Variants in WDR7 observed in about 807,000 individuals in gnomAD.
WDR7 encodes the protein WD repeat-containing protein 7.
Under a neutral mutation model 169.4 loss-of-function variants are expected in WDR7, and 46 were observed. The ratio of observed to expected loss-of-function variants is 0.27; its 90% CI spans 0.21 to 0.35. The LOEUF (loss-of-function observed/expected upper bound fraction) is 0.35, where lower values mean the gene tolerates loss of function less well. WDR7 is among the 10% of genes least tolerant of loss of function. WDR7 has a pLI of 1.00. For synonymous variants in WDR7, 612 were observed against 666.8 expected (o/e 0.92, Z 1.27); for missense variants, 1,534 against 1,859.3 (o/e 0.83, Z 3.22).
intron 20 of WDR7, among the ~76,000 whole-genome samples, chr18:56,866,463 G>A (rs780186974): frequency 8.6e-5 from 13 of 151,452 alleles, no homozygotes; most frequent in African/African-American, 1.2e-4. Context: ...CAGTTTTTTT[G>A]TTGATGTTTT....
chr18:56,916,830 G>A (rs555186012), intron 21 of WDR7, among the ~76,000 whole-genome samples: 8 of 152,202 alleles, frequency 5.3e-5, no homozygotes, highest in African/African-American at 1.9e-4. Flanking sequence ...TGGGAGGCCC[G>A]AGGCAGGTAG....
intron 14 of WDR7, among the ~76,000 whole-genome samples, chr18:56,731,853 G>C (rs1316025042): frequency 1.3e-5 from 2 of 152,102 alleles, no homozygotes; most frequent in African/African-American, 4.8e-5. Flanking sequence ...TCTGAAATTA[G>C]GGCAAACCAA....
rs1044771844 is a variant in WDR7, at chr18:56,820,359, A to AAAAAAAAAAAAC, written c.3304+4220_3304+4221insAAAAAACAAAAA. Among the ~76,000 whole-genome samples, 74 of 127,500 alleles carry AAAAAAAAAAAAC rather than the reference A, an allele frequency of 5.8e-4. 4 individuals are homozygous for AAAAAAAAAAAAC. Among genetic ancestry groups the AAAAAAAAAAAAC allele is most frequent in the African/African-American group, 2.3e-3 (66 of 28,410 alleles). 83.6% of individuals were successfully genotyped at this position (127,500 alleles called of 152,430 possible). A position where few individuals can be genotyped will look rare whatever the true frequency, so the allele number is the denominator to read the frequency against. On this transcript the variant is annotated intron_variant, in intron 20 of 27. Coordinates refer to ENST00000254442, the MANE Select transcript of WDR7 (RefSeq NM_015285.3). The stretch of plus-strand genomic sequence containing the variant: ...ATTGTCAAAAAAAAAAAAAAAAAAA[A>AAAAAAAAAAAAC]AAAAACCACCTTGATACTAGATCAG...
intron 16 of WDR7, among the ~76,000 whole-genome samples, chr18:56,763,262 A>C (rs1372663277): frequency 6.6e-6 from 1 of 152,108 alleles, no homozygotes; most frequent in Non-Finnish European, 1.5e-5. Flanking sequence ...GATGTTCTTT[A>C]TCAGGTTGAA....
intron 12 of WDR7, among the ~76,000 whole-genome samples, chr18:56,704,525 T>G (rs1330000330): frequency 6.6e-6 from 1 of 152,026 alleles, no homozygotes. Flanking sequence ...GGTGACAGAG[T>G]GAGACCCTGT....
intron 1 of WDR7, among the ~76,000 whole-genome samples, chr18:56,658,045 G>A (rs1017568696): frequency 4.6e-5 from 7 of 152,066 alleles, no homozygotes; most frequent in African/African-American, 1.7e-4. Flanking sequence ...GAAGTGCTAA[G>A]CGTTATTCTG....
At chr18:56,909,632 G>A (rs776754121) in intron 21 of WDR7, among the ~76,000 whole-genome samples, 7 of 151,920 alleles carry the variant, frequency 4.6e-5, no homozygotes, top group South Asian at 2.1e-4. Context: ...AGTGAATACC[G>A]TATTATGTTA....
At position 56,938,570 on chromosome 18, in the gene WDR7, C is replaced by A; in HGVS notation, c.3869C>A (p.Ser1290Ter). 1 of 1,613,874 alleles carries A rather than the reference C, an allele frequency of 6.2e-7. No homozygotes were observed. Among genetic ancestry groups the A allele is most frequent in the Non-Finnish European group, 8.5e-7 (1 of 1,179,886 alleles). Residue 1290 changes from serine (S) to a stop codon, truncating the protein, a stop_gained, in exon 24 of 28, where the codon TCA becomes TAA. Transcript: ENST00000254442. LOFTEE classifies it high-confidence loss of function. ...ACGGCTCTTGCAGCAAATACCCAAT[C>A]ACAGCAGAATATGCACACAACAACT... ...RHTALAANTQ[S>*]QQNMHTTTLA...
At chr18:56,669,886 A>G (rs2025096768) in intron 1 of WDR7, among the ~76,000 whole-genome samples, 1 of 152,152 alleles carries the variant, frequency 6.6e-6, no homozygotes, top group Non-Finnish European at 1.5e-5. Context: ...AATGTTGGGA[A>G]CGTTAAGCAT....
chr18:56,885,140 G>C (rs937411074), intron 21 of WDR7, among the ~76,000 whole-genome samples: 1 of 152,172 alleles, frequency 6.6e-6, no homozygotes, highest in African/African-American at 2.4e-5. Flanking sequence ...CTGAACAGCA[G>C]CCTTGAGCCC....
intron 9 of WDR7, among the ~76,000 whole-genome samples, chr18:56,694,304 A>G (rs1297680319): frequency 6.8e-6 from 1 of 146,948 alleles, no homozygotes; most frequent in Non-Finnish European, 1.5e-5. Context: ...TAGGCAGTTA[A>G]ATTGCATTAT....
rs188720836 is a variant in WDR7 at position 56,776,801 on chromosome 18, C to T, written c.2868C>T (p.Ser956=). 6.1e-5 allele frequency: 98 copies of T among 1,613,904 alleles called. No individual in the cohort carries two copies. Among genetic ancestry groups the T allele is most frequent in the South Asian group, 1.6e-4 (15 of 91,068 alleles). ...QIKQVAAPVV[S]ARSDADHSGS... ...TGCAAGTTGCTGCACCTGTCGTTTC[C>T]GCTCGGTCTGATGCTGATCACTCTG... Residue 956 remains serine (S), a synonymous_variant, in exon 17 of 28, where the codon TCC becomes TCT. Transcript: ENST00000254442.
intron 21 of WDR7, among the ~76,000 whole-genome samples, chr18:56,882,798 TTAAGTC>T (rs1302822438): frequency 1.3e-5 from 2 of 152,250 alleles, no homozygotes; most frequent in African/African-American, 2.4e-5. Flanking sequence ...AGACCACTGA[TTAAGTC>T]TAACATATTT....
At chr18:56,943,982 G>GTTTTTTTTTTTTTTTT (rs397858369) in intron 25 of WDR7, among the ~76,000 whole-genome samples, 1 of 78,758 alleles carries the variant, frequency 1.3e-5, no homozygotes, top group Non-Finnish European at 2.2e-5. Flanking sequence ...TGTTTTGTGG[G>GTTTTTTTTTTTTTTTT]TTTTTTTTTT....
intron 25 of WDR7, among the ~76,000 whole-genome samples, chr18:56,940,637 T>C (rs1186822707): frequency 2.0e-5 from 3 of 152,208 alleles, no homozygotes; most frequent in Non-Finnish European, 4.4e-5. Context: ...CAGGTAGTTG[T>C]TATTTTTCCA....
intron 25 of WDR7, among the ~76,000 whole-genome samples, chr18:56,954,509 T>C (rs2145748080): frequency 6.6e-6 from 1 of 152,198 alleles, no homozygotes; most frequent in Non-Finnish European, 1.5e-5. Context: ...AAGAAAACTA[T>C]ATGTGAAGAT....
At chr18:56,676,867 G>A (rs964166872) in intron 2 of WDR7, among the ~76,000 whole-genome samples, 5 of 151,984 alleles carry the variant, frequency 3.3e-5, no homozygotes, top group Admixed American at 6.6e-5. Flanking sequence ...ATGTCACTGT[G>A]TCAGGCTAAG....
chr18:56,670,571 C>T (rs574381137), intron 1 of WDR7, among the ~76,000 whole-genome samples: 71 of 152,126 alleles, frequency 4.7e-4, no homozygotes, highest in African/African-American at 1.6e-3. Context: ...AATGCAGTGG[C>T]GCGATCTCGG....
chr18:56,846,572 C>A (rs1335089742), intron 20 of WDR7, among the ~76,000 whole-genome samples: 2 of 152,120 alleles, frequency 1.3e-5, no homozygotes, highest in Non-Finnish European at 2.9e-5. Context: ...CTTTTTGTTC[C>A]CAGTTTCAAG....
Sources: gnomAD v4.1 joint callset for allele counts (sites outside exome capture counted in the v4.1 genomes callset) on GRCh38, gnomAD v4.1.1 for gene constraint, MANE v1.5 for transcripts, NCBI Gene and HGNC (gene_info 2026-07-23, HGNC 2026-07-21) for gene names.